Variants in VPS13D observed in about 807,000 individuals in gnomAD.
VPS13D encodes vacuolar protein sorting 13 homolog D.
Under a neutral mutation model 461.9 loss-of-function variants are expected in VPS13D, and 187 were observed. The observed-to-expected ratio is 0.40, with a 90% CI of 0.36 to 0.46. The LOEUF is 0.46. Among genes scored for constraint, VPS13D ranks in the 20% least tolerant of loss-of-function variants. The pLI, the probability that VPS13D is intolerant of heterozygous loss-of-function variation, is 0.60. For synonymous variants in VPS13D, 1,951 were observed against 1,986.3 expected, an observed-to-expected ratio of 0.98 and a Z score of 0.47; for missense variants, 4,711 against 5,364.9, an observed-to-expected ratio of 0.88 and a Z score of 3.81.
chr1:12,267,234 G>T (rs974274334), intron 14 of VPS13D, among the ~76,000 whole-genome samples: 2 of 152,156 alleles, frequency 1.3e-5, no homozygotes, highest in African/African-American at 2.4e-5. Flanking sequence ...ATTTTGCTCT[G>T]ATTTGGAAGA....
Position 12,268,892 on chromosome 1 carries a change from T to G in VPS13D, c.1972+16T>G. On this transcript the variant is annotated intron_variant, in intron 16 of 69. Transcript: ENST00000620676. ...CATACCTCAGGTTAACTTTTTTGTT[T>G]GTTTGATCTTATGTTCCTTTTGAAA... is the stretch of plus-strand genomic sequence containing the variant. The G allele has an allele frequency of 6.2e-7, 1 of 1,602,022 alleles. No individual in the cohort carries two copies. The highest frequency in any genetic ancestry group is 1.1e-5 in the South Asian group (1 of 88,510).
intron 40 of VPS13D, 82 bp downstream of exon 40, chr1:12,338,387 G>A (rs1276782450): frequency 1.5e-6 from 2 of 1,297,698 alleles, no homozygotes; most frequent in African/African-American, 1.5e-5. Flanking sequence ...TTTAATGAGT[G>A]GGAGTTGAAT....
At chr1:12,361,057 C>T (rs1190189831) in intron 50 of VPS13D, among the ~76,000 whole-genome samples, 1 of 152,142 alleles carries the variant, frequency 6.6e-6, no homozygotes, top group Non-Finnish European at 1.5e-5. Context: ...ATACTAGCTG[C>T]GTGACATAGA....
intron 67 of VPS13D, among the ~76,000 whole-genome samples, chr1:12,491,419 G>T (rs1357738767): frequency 3.9e-5 from 6 of 152,190 alleles, no homozygotes; most frequent in Non-Finnish European, 7.3e-5. Context: ...ACAGACCTAT[G>T]ACATAGTTAC....
At chr1:12,296,323 A>G (rs530669014) in intron 24 of VPS13D, among the ~76,000 whole-genome samples, 6 of 152,358 alleles carry the variant, frequency 3.9e-5, no homozygotes, top group African/African-American at 1.4e-4. Context: ...ATCTTTGCCA[A>G]CACTCTTATT....
intron 67 of VPS13D, among the ~76,000 whole-genome samples, chr1:12,496,493 C>A (rs1401008722): frequency 6.6e-6 from 1 of 152,232 alleles, no homozygotes; most frequent in Admixed American, 6.5e-5. Context: ...ACTGTTAGTT[C>A]CTGTTTCTGA....
Position 12,309,470 on chromosome 1 carries a change from G to A in VPS13D, c.6650+829G>A, listed in dbSNP as rs187147848. 5.3e-3 allele frequency among the ~76,000 whole-genome samples: 801 copies of A among 151,158 alleles called. 28 individuals carry two copies. Among genetic ancestry groups the A allele is most frequent in the Admixed American group, 0.048 (723 of 15,190 alleles). On this transcript the variant is annotated intron_variant, in intron 27 of 69. Transcript: ENST00000620676. ...GTGATCCACCTGCCTTGGCATGCCC[G>A]CCTTGGCATATGGACATGGTGGCTC...
In VPS13D at chr1:12,368,589, A is replaced by G. The variant is rs750530576; in HGVS notation, c.10570A>G (p.Lys3524Glu). 6.2e-7 allele frequency: 1 copy of G among 1,612,360 alleles called. No homozygotes were observed. Among genetic ancestry groups the G allele is most frequent in the Non-Finnish European group, 8.5e-7 (1 of 1,179,026 alleles). Reference sequence around the variant, plus strand: ...TCCTTTCCGAATTGACAACTTTTCTAAGGTATCAAGTGGAGCTGAGAGCCA... The same window carrying G: ...TCCTTTCCGAATTGACAACTTTTCTGAGGTATCAAGTGGAGCTGAGAGCCA... ...PPPFRIDNFSKVPVVFTQHGV... is the reference protein window; with the variant it reads ...PPPFRIDNFSEVPVVFTQHGV... Residue 3524 changes from lysine to glutamate, a missense_variant and splice_region_variant, in exon 53 of 70, where the codon AAG becomes GAG. Transcript: ENST00000620676.
rs1296648256 is a variant in VPS13D at position 12,383,021 on chromosome 1, C to T, written c.11236C>T (p.Leu3746Phe). The T allele has an allele frequency of 3.1e-6, 5 of 1,614,006 alleles. No individual in the cohort carries two copies. Among genetic ancestry groups the T allele is most frequent in the Non-Finnish European group, 4.2e-6 (5 of 1,180,012 alleles). ...SGLFDGAEVVLGPDTSMELLG... is the reference protein window; with the variant it reads ...SGLFDGAEVVFGPDTSMELLG... ...TTTGTTTGATGGAGCTGAAGTTGTT[C>T]TTGGTCCTGACACTTCCATGGAGCT... Residue 3746 changes from leucine (L) to phenylalanine (F), a missense_variant, in exon 58 of 70, where the codon CTT becomes TTT. Transcript: ENST00000620676.
At chr1:12,460,499 G>T in intron 67 of VPS13D, 103 bp downstream of exon 67, 1 of 1,094,466 alleles carries the variant, frequency 9.1e-7, no homozygotes. Context: ...TTAGTTATAG[G>T]GTTTTTAATT....
At chr1:12,328,785 C>T (rs1274534346) in intron 36 of VPS13D, among the ~76,000 whole-genome samples, 2 of 152,112 alleles carry the variant, frequency 1.3e-5, no homozygotes, top group African/African-American at 4.8e-5. Flanking sequence ...GGGATCTGCC[C>T]GCCTCAGCCT....
intron 24 of VPS13D, among the ~76,000 whole-genome samples, chr1:12,297,242 A>G (rs948297668): frequency 6.6e-5 from 10 of 152,166 alleles, no homozygotes; most frequent in African/African-American, 2.2e-4. Flanking sequence ...ATTCAGTGGA[A>G]CTTTGAATTT....
intron 12 of VPS13D, among the ~76,000 whole-genome samples, chr1:12,261,366 G>A (rs1288012273): frequency 6.6e-6 from 1 of 152,228 alleles, no homozygotes; most frequent in Non-Finnish European, 1.5e-5. Flanking sequence ...GAGAGGCAGA[G>A]CGTGTAAAAG....
chr1:12,320,841 C>G (rs1643016217), intron 32 of VPS13D, among the ~76,000 whole-genome samples: 1 of 152,210 alleles, frequency 6.6e-6, no homozygotes, highest in African/African-American at 2.4e-5. Context: ...CTGGAAACTC[C>G]TTTCAGTCCT....
intron 37 of VPS13D, among the ~76,000 whole-genome samples, chr1:12,333,018 A>G (rs1219233404): frequency 6.6e-6 from 1 of 152,158 alleles, no homozygotes; most frequent in Non-Finnish European, 1.5e-5. Flanking sequence ...GGGTACATAT[A>G]TGCCTTTCCA....
At chr1:12,373,108 T>C (rs1274667734) in intron 54 of VPS13D, among the ~76,000 whole-genome samples, 1 of 140,424 alleles carries the variant, frequency 7.1e-6, no homozygotes, top group Non-Finnish European at 1.5e-5. Context: ...TTTTTTTTTT[T>C]TTTTTTTTTT....
intron 10 of VPS13D, among the ~76,000 whole-genome samples, chr1:12,258,730 A>G (rs752489166): frequency 5.3e-5 from 8 of 152,156 alleles, no homozygotes; most frequent in East Asian, 1.9e-4. Context: ...GTGAGCATCA[A>G]TTTTTGCAGT....
chr1:12,373,788 A>G lies in VPS13D; in HGVS notation c.10847A>G (p.Lys3616Arg), dbSNP rs1174210620. 1.3e-6 allele frequency: 2 copies of G among 1,575,296 alleles called. No homozygotes were observed. Among genetic ancestry groups the G allele is most frequent in the Non-Finnish European group, 8.6e-7 (1 of 1,163,700 alleles). ...EGTGRPVASN[K>R]AITCAELVLD... ...ACAGGCAGGCCTGTGGCTTCCAACA[A>G]GGCCATTACCTGTGCGGAGCTCGTT... is the stretch of plus-strand genomic sequence containing the variant. The change falls in exon 55 of 70, where the codon AAG becomes AGG. Residue 3616 changes from lysine to arginine, a missense_variant. Coordinates refer to ENST00000620676, the MANE Select transcript of VPS13D (RefSeq NM_015378.4).
At chr1:12,292,119 T>C (rs1279913791) in intron 23 of VPS13D, among the ~76,000 whole-genome samples, 2 of 150,762 alleles carry the variant, frequency 1.3e-5, no homozygotes, top group South Asian at 2.1e-4. Context: ...ATTAGCGGGG[T>C]GTGGTGGCAG....
Sources: gnomAD v4.1 joint callset for allele counts (sites outside exome capture counted in the v4.1 genomes callset) on GRCh38, gnomAD v4.1.1 for gene constraint, MANE v1.5 for transcripts, NCBI Gene and HGNC (gene_info 2026-07-23, HGNC 2026-07-21) for gene names.